Variants in CAPN9 observed in about 807,000 individuals in gnomAD.
The protein encoded by CAPN9 is calpain 9.
Under a neutral mutation model 92.8 loss-of-function variants are expected in CAPN9, and 81 were observed. The observed-to-expected ratio is 0.87, with a 90% CI of 0.73 to 1.05. The LOEUF is 1.05. Ranked by LOEUF, CAPN9 falls within the 50% of genes least tolerant of loss-of-function variation. CAPN9 has a pLI of 0.00. For missense variants in CAPN9, 848 were observed against 866.2 expected, an observed-to-expected ratio of 0.98 and a Z score of 0.26; for synonymous variants, 304 against 328.0, an observed-to-expected ratio of 0.93 and a Z score of 0.79.
In CAPN9 at chr1:230,770,228, G is replaced by A. The variant is rs28359650; in HGVS notation, c.789+965G>A. Among the ~76,000 whole-genome samples, 1,508 of 152,166 alleles carry A rather than the reference G, an allele frequency of 9.9e-3. 31 individuals carry two copies. Among genetic ancestry groups the A allele is most frequent in the African/African-American group, 0.034 (1,424 of 41,484 alleles). ...AGTTCTGGTCTGAGTCTGAAAGGAA[G>A]GCCTAGCCACCAGGAACACCAATGG... On this transcript the variant is annotated intron_variant, in intron 6 of 19. Coordinates refer to ENST00000271971, the MANE Select transcript of CAPN9 (RefSeq NM_006615.3).
intron 8 of CAPN9, chr1:230,775,980 T>G (rs1170359643): frequency 6.6e-6 from 1 of 152,112 alleles, no homozygotes; most frequent in Non-Finnish European, 1.5e-5. Flanking sequence ...TTCATTCTTT[T>G]CCCATAGAAC....
intron 9 of CAPN9, among the ~76,000 whole-genome samples, chr1:230,779,446 A>C (rs1464829723): frequency 6.6e-6 from 1 of 152,138 alleles, no homozygotes; most frequent in Non-Finnish European, 1.5e-5. Flanking sequence ...CTTCAGGCAC[A>C]GTTCTATCAG....
chr1:230,794,930 C>T (rs572886205), intron 17 of CAPN9, among the ~76,000 whole-genome samples: 8 of 152,308 alleles, frequency 5.3e-5, no homozygotes, highest in African/African-American at 1.4e-4. Flanking sequence ...ACAGAAAGCA[C>T]GCCTGAGAGT....
intron 1 of CAPN9, among the ~76,000 whole-genome samples, 192 bp downstream of exon 1, chr1:230,747,901 G>A (rs1444380631): frequency 6.6e-6 from 1 of 152,172 alleles, no homozygotes; most frequent in Non-Finnish European, 1.5e-5. Flanking sequence ...ATGCTCTGCG[G>A]TGGGGACCCG....
intron 11 of CAPN9, among the ~76,000 whole-genome samples, chr1:230,782,488 TC>T (rs1572067594): frequency 1.3e-5 from 2 of 152,204 alleles, no homozygotes; most frequent in Non-Finnish European, 2.9e-5. Flanking sequence ...ACTGTATTCT[TC>T]CAAATGTTTT....
chr1:230,790,183 C>A lies in CAPN9; in HGVS notation c.1651C>A (p.Gln551Lys). 1 of 1,614,054 alleles carries A rather than the reference C, an allele frequency of 6.2e-7. No homozygotes were observed. Among genetic ancestry groups the A allele is most frequent in the South Asian group, 1.1e-5 (1 of 91,068 alleles). The change falls in exon 14 of 20, where the codon CAA becomes AAA. Residue 551 changes from glutamine to lysine, a missense_variant. By Grantham distance (53) the Gln-to-Lys change is moderately conservative. Transcript: ENST00000271971. ...ELEYVLNAVL[Q>K]KKKDIKFKKL... ...TGAGTATGTTTTAAATGCTGTGCTG[C>A]AAAAGAGTAAGTGCCAACCCCATCG...
intron 11 of CAPN9, among the ~76,000 whole-genome samples, chr1:230,784,171 G>A (rs759143755): frequency 2.0e-4 from 31 of 152,168 alleles, no homozygotes; most frequent in Non-Finnish European, 3.5e-4. Flanking sequence ...CTTAAAGCTG[G>A]AATATATACA....
At chr1:230,798,706 T>G (rs1307108954) in intron 19 of CAPN9, among the ~76,000 whole-genome samples, 1 of 152,126 alleles carries the variant, frequency 6.6e-6, no homozygotes, top group Non-Finnish European at 1.5e-5. Context: ...GGTCTGAGTG[T>G]CAGAGGTATG....
intron 4 of CAPN9, among the ~76,000 whole-genome samples, chr1:230,764,831 A>G (rs568246399): frequency 1.3e-5 from 2 of 152,372 alleles, no homozygotes; most frequent in South Asian, 4.1e-4. Flanking sequence ...CATGCAGATT[A>G]GAGTTGGAGA....
chr1:230,801,496 G>A (rs115014062), intron 19 of CAPN9, 74 bp from the exon 20 acceptor site: 1 of 1,443,468 alleles, frequency 6.9e-7, no homozygotes, highest in South Asian at 1.1e-5. Flanking sequence ...AGCAAACTGG[G>A]GCCACTCCTG....
chr1:230,786,066 T>C, intron 12 of CAPN9, 49 bp downstream of exon 12: 2 of 1,610,150 alleles, frequency 1.2e-6, no homozygotes, highest in Non-Finnish European at 1.7e-6. Context: ...GTGATGGTTC[T>C]GGAAACCTTC....
At chr1:230,769,763 G>A (rs1572040598) in intron 6 of CAPN9, among the ~76,000 whole-genome samples, 1 of 151,898 alleles carries the variant, frequency 6.6e-6, no homozygotes, top group Non-Finnish European at 1.5e-5. Context: ...CCCTGAGACA[G>A]CAAGACCAAC....
intron 4 of CAPN9, among the ~76,000 whole-genome samples, 193 bp from the exon 5 acceptor site, chr1:230,767,348 G>C (rs1666053739): frequency 6.6e-6 from 1 of 152,128 alleles, no homozygotes; most frequent in Admixed American, 6.5e-5. Flanking sequence ...TTGCAGGAAG[G>C]TCAGGATCTT....
chr1:230,792,564 G>A (rs1668071319), intron 16 of CAPN9, 70 bp downstream of exon 16: 1 of 1,230,358 alleles, frequency 8.1e-7, no homozygotes, highest in Non-Finnish European at 1.2e-6. Flanking sequence ...GATTTAAAAT[G>A]GTGCAGCAGG....
intron 9 of CAPN9, among the ~76,000 whole-genome samples, chr1:230,779,391 T>G (rs980990269): frequency 1.3e-5 from 2 of 152,166 alleles, no homozygotes; most frequent in Non-Finnish European, 2.9e-5. Flanking sequence ...AGAAAGGATT[T>G]GTTATCTCAC....
At chr1:230,751,407 TGAAAAA>T (rs1664754802) in intron 1 of CAPN9, among the ~76,000 whole-genome samples, 1 of 114,954 alleles carries the variant, frequency 8.7e-6, no homozygotes, top group African/African-American at 3.4e-5. Context: ...ACAGAATGAA[TGAAAAA>T]GAAAGAGAGA....
chr1:230,800,254 G>GA (rs1164265571), intron 19 of CAPN9, among the ~76,000 whole-genome samples: 1 of 113,792 alleles, frequency 8.8e-6, no homozygotes, highest in Non-Finnish European at 1.9e-5. Context: ...AAGAAAGAAA[G>GA]AAAGAAAGAA....
chr1:230,801,583 CA>C lies in CAPN9; in HGVS notation c.2062del (p.Met688Ter). 6.2e-7 allele frequency: 1 copy of C among 1,614,008 alleles called. No homozygotes were observed. Among genetic ancestry groups the C allele is most frequent in the Non-Finnish European group, 8.5e-7 (1 of 1,179,892 alleles). On this transcript the variant is annotated frameshift_variant, in exon 20 of 20. Transcript: ENST00000271971. LOFTEE classifies it high-confidence loss of function. ...CTCTCTTCCCAGTTCATCCATTTGA[CA>C]ATGAACATCTGAGGCTGCCTTGTAG... Reference protein sequence around the residue: ...HLNINEFIHLTMNI With the variant: ...HLNINEFIHLXMNI
At chr1:230,747,738 T>C (rs6690251) in intron 1 of CAPN9, 29 bp downstream of exon 1, 1,024,360 of 1,604,688 alleles carry the variant, frequency 0.64, 334,267 homozygotes, top group Non-Finnish European at 0.68. Flanking sequence ...GGAAGGAGCA[T>C]AGATGAGGCC....
Sources: allele counts gnomAD v4.1 joint callset (sites outside exome capture counted in the v4.1 genomes callset), GRCh38; gene constraint gnomAD v4.1.1; transcripts MANE v1.5; gene names NCBI Gene and HGNC (gene_info 2026-07-23, HGNC 2026-07-21).